Variants in PSME4 observed in about 807,000 individuals in gnomAD.
PSME4 encodes proteasome activator subunit 4, also known as proteasome activator complex subunit 4.
In PSME4, 89 loss-of-function variants were observed where a neutral mutation model predicts 253.9. The ratio of observed to expected loss-of-function variants is 0.35; its 90% CI spans 0.30 to 0.42. The LOEUF (loss-of-function observed/expected upper bound fraction) is 0.42, where lower values mean the gene tolerates loss of function less well. Among genes scored for constraint, PSME4 ranks in the 10% least tolerant of loss-of-function variants. PSME4 has a pLI of 1.00. For synonymous variants in PSME4, 851 were observed against 759.2 expected, an observed-to-expected ratio of 1.12 and a Z score of -1.99; for missense variants, 2,014 against 2,195.2, an observed-to-expected ratio of 0.92 and a Z score of 1.65.
chr2:53,935,951 TA>T, intron 7 of PSME4, 135 bp downstream of exon 7: 1 of 1,148,522 alleles, frequency 8.7e-7, no homozygotes, highest in Non-Finnish European at 1.2e-6. Flanking sequence ...TGGAGTGCAG[TA>T]CTGCAATCTT....
At chr2:53,924,869 C>A (rs1008350730) in intron 14 of PSME4, among the ~76,000 whole-genome samples, 1 of 152,222 alleles carries the variant, frequency 6.6e-6, no homozygotes, top group African/African-American at 2.4e-5. Context: ...AGGGGAAATA[C>A]AGGATTATGT....
At chr2:53,883,648 A>G (rs1679499071) in intron 41 of PSME4, among the ~76,000 whole-genome samples, 1 of 152,218 alleles carries the variant, frequency 6.6e-6, no homozygotes, top group South Asian at 2.1e-4. Flanking sequence ...AATTTAGTTC[A>G]TATAAAGTAA....
intron 41 of PSME4, among the ~76,000 whole-genome samples, chr2:53,877,766 C>T (rs1407892642): frequency 6.6e-6 from 1 of 152,120 alleles, no homozygotes; most frequent in Non-Finnish European, 1.5e-5. Flanking sequence ...GAGGAGCTGA[C>T]TTAAGTTTGG....
At position 53,874,382 on chromosome 2, in the gene PSME4, A is replaced by G; in HGVS notation, c.5057T>C (p.Ile1686Thr). 2.5e-6 allele frequency: 4 copies of G among 1,614,018 alleles called. No individual in the cohort carries two copies. Among genetic ancestry groups the G allele is most frequent in the Non-Finnish European group, 3.4e-6 (4 of 1,179,970 alleles). ...CAAAAGACTTATAACCAGCCACCTG[A>G]TATCTTTAACTGCATCTTCATTGTT... ...FLNNEDAVKD[I>T]RWLVISLLED... The change falls in exon 43 of 47, where the codon ATC becomes ACC. Residue 1686 changes from isoleucine to threonine, a missense_variant. Around this residue, in one of 4 missense-constraint regions of PSME4, gnomAD observed 403 missense variants for 556.1 expected, o/e 0.72. Coordinates refer to ENST00000404125, the MANE Select transcript of PSME4 (RefSeq NM_014614.3).
intron 12 of PSME4, among the ~76,000 whole-genome samples, chr2:53,926,960 A>G (rs962036068): frequency 2.7e-5 from 4 of 148,068 alleles, no homozygotes; most frequent in African/African-American, 9.9e-5. Context: ...GTGACATAAC[A>G]AGACTCCATC....
In PSME4 at chr2:53,963,576, C is replaced by A. The variant is rs189626395; in HGVS notation, c.242+6967G>T. 2.0e-5 allele frequency among the ~76,000 whole-genome samples: 3 copies of A among 152,232 alleles called. No individual in the cohort carries two copies. In the East Asian group the frequency reaches 5.8e-4, roughly 29 times the overall value. ...TAACTTAAGAGAATACTTGTTACCC[C>A]AGGATTGAGTCTAAGTCTTCAAAGG... On this transcript the variant is annotated intron_variant, in intron 1 of 46. Transcript: ENST00000404125.
chr2:53,929,781 G>A (rs559040912), intron 10 of PSME4, among the ~76,000 whole-genome samples: 2 of 152,072 alleles, frequency 1.3e-5, no homozygotes, highest in East Asian at 3.8e-4. Flanking sequence ...ACTTTGGGAG[G>A]CCAAGGCAGG....
At chr2:53,962,051 G>C (rs901760577) in intron 1 of PSME4, among the ~76,000 whole-genome samples, 22 of 152,248 alleles carry the variant, frequency 1.4e-4, no homozygotes, top group South Asian at 2.1e-4. Context: ...AAGAGGAACA[G>C]GCTATGACCT....
At chr2:53,937,644 G>C (rs1669185508) in intron 4 of PSME4, 104 bp from the exon 5 acceptor site, 2 of 1,016,458 alleles carry the variant, frequency 2.0e-6, no homozygotes, top group East Asian at 2.4e-5. Flanking sequence ...GAGAATATAT[G>C]TCATAGCATG....
chr2:53,888,977 C>T (rs1010844696), intron 37 of PSME4, among the ~76,000 whole-genome samples, 165 bp from the exon 38 acceptor site: 4 of 152,090 alleles, frequency 2.6e-5, no homozygotes, highest in Admixed American at 2.0e-4. Context: ...GTAATCCACC[C>T]GCCTCGGTCT....
Position 53,872,813 on chromosome 2 carries a change from G to A in PSME4, c.5100+1526C>T, listed in dbSNP as rs76908153. ...CTAAAAGAAGCTCCTAAATGCAAGC[G>A]GTATAATAATTAAAGTTAGGAAACA... On this transcript the variant is annotated intron_variant, in intron 43 of 46. Coordinates refer to ENST00000404125, the MANE Select transcript of PSME4 (RefSeq NM_014614.3). Among the ~76,000 whole-genome samples, 1,164 of 147,734 alleles carry A rather than the reference G, an allele frequency of 7.9e-3. 17 individuals are homozygous for A. Among genetic ancestry groups the A allele is most frequent in the African/African-American group, 0.027 (1,086 of 39,986 alleles).
At chr2:53,931,218 G>A (rs749047452) in intron 10 of PSME4, among the ~76,000 whole-genome samples, 7 of 151,996 alleles carry the variant, frequency 4.6e-5, no homozygotes, top group Non-Finnish European at 7.4e-5. Flanking sequence ...CGGAGGTTGC[G>A]GTGAGCCAAG....
At chr2:53,881,200 T>C (rs1428710095) in intron 41 of PSME4, among the ~76,000 whole-genome samples, 1 of 152,210 alleles carries the variant, frequency 6.6e-6, no homozygotes, top group Admixed American at 6.5e-5. Context: ...GATATTTTTC[T>C]CCTGATTATT....
At chr2:53,955,043 T>C (rs1331004140) in intron 1 of PSME4, among the ~76,000 whole-genome samples, 2 of 149,178 alleles carry the variant, frequency 1.3e-5, no homozygotes, top group Admixed American at 1.3e-4. Context: ...TGATGGCACG[T>C]GCCTGTAGTC....
Position 53,919,250 on chromosome 2 carries a change from GAA to G in PSME4, c.2421-6_2421-5del, listed in dbSNP as rs113177874. ...CAGACTCTGTAGAATATCATCTCTA[GAA>G]AAAAAAAAAAGACATTTTCATATTT... On this transcript the variant is annotated splice_polypyrimidine_tract_variant and splice_region_variant and intron_variant, in intron 19 of 46. Coordinates refer to ENST00000404125, the MANE Select transcript of PSME4 (RefSeq NM_014614.3). 1.6e-4 allele frequency: 200 copies of G among 1,219,536 alleles called. No individual in the cohort carries two copies. The highest frequency in any genetic ancestry group is 5.7e-4 in the South Asian group (35 of 61,288). The allele number at this position is 1,219,536 out of a possible 1,614,324, so 75.5% of individuals were successfully genotyped here.
chr2:53,928,915 T>G (rs1166872300), intron 10 of PSME4, among the ~76,000 whole-genome samples: 1 of 152,066 alleles, frequency 6.6e-6, no homozygotes, highest in Non-Finnish European at 1.5e-5. Context: ...CCTGTAACAC[T>G]AGCACTTTGG....
chr2:53,885,733 G>A lies in PSME4; in HGVS notation c.4772C>T (p.Thr1591Ile), dbSNP rs371116737. Reference protein sequence around the residue: ...LMASAGRSFSTAVTEQLQLLP... With the variant: ...LMASAGRSFSIAVTEQLQLLP... The stretch of plus-strand genomic sequence containing the variant: ...AAGCTGAAGTTGTTCTGTAACTGCT[G>A]TAGAAAAGGATCTTCCTGCACTTGC... Residue 1591 changes from threonine (T) to isoleucine (I), a missense_variant, in exon 41 of 47, where the codon ACA becomes ATA. By Grantham distance (89) the Thr-to-Ile change is moderately conservative. Coordinates refer to ENST00000404125, the MANE Select transcript of PSME4 (RefSeq NM_014614.3). 1 of 1,613,304 alleles carries A rather than the reference G, an allele frequency of 6.2e-7. No homozygotes were observed. Among genetic ancestry groups the A allele is most frequent in the Non-Finnish European group, 8.5e-7 (1 of 1,179,418 alleles).
intron 6 of PSME4, 95 bp downstream of exon 6, chr2:53,936,669 A>G: frequency 1.2e-6 from 1 of 823,154 alleles, no homozygotes; most frequent in East Asian, 2.9e-5. Context: ...TTACCAAATG[A>G]TCTATTAATA....
At chr2:53,950,870 G>A (rs531748138) in intron 1 of PSME4, among the ~76,000 whole-genome samples, 50 of 151,054 alleles carry the variant, frequency 3.3e-4, no homozygotes, top group Admixed American at 5.3e-4. Context: ...AAAGAAAAAG[G>A]TGTCCCAAAA....
Sources: allele counts gnomAD v4.1 joint callset (sites outside exome capture counted in the v4.1 genomes callset), GRCh38; gene constraint gnomAD v4.1.1; regional missense constraint gnomAD v4.1.1; transcripts MANE v1.5; gene names NCBI Gene and HGNC (gene_info 2026-07-23, HGNC 2026-07-21).